Variants in PTPRF observed in about 807,000 individuals in gnomAD.
PTPRF encodes receptor-type tyrosine-protein phosphatase F.
In PTPRF, 59 loss-of-function variants were observed where a neutral mutation model predicts 201.8. The observed-to-expected ratio is 0.29, with a 90% confidence interval of 0.24 to 0.36. The LOEUF (loss-of-function observed/expected upper bound fraction) is 0.36, where lower values mean the gene tolerates loss of function less well. Ranked by LOEUF, PTPRF falls within the 10% of genes least tolerant of loss-of-function variation. The pLI is 1.00. For synonymous variants in PTPRF, 1,088 were observed against 1,089.7 expected (o/e 1.00, Z 0.03); for missense variants, 2,132 against 2,690.5 (o/e 0.79, Z 4.59).
chr1:43,597,953 C>T lies in PTPRF; in HGVS notation c.2019C>T (p.Gly673=), dbSNP rs778217464. Residue 673 remains glycine (G), a synonymous_variant, in exon 12 of 34, where the codon GGC becomes GGT. Transcript: ENST00000359947. ...AGCACTCCAGCTGGGACCTGGTGGG[C>T]CTGGAGAAGTGGACGGAGTACCGGG... is the stretch of plus-strand genomic sequence containing the variant. ...SREHSSWDLV[G]LEKWTEYRVW... is the part of the protein sequence containing the mutation. The T allele has an allele frequency of 1.9e-6, 3 of 1,573,328 alleles. No individual in the cohort carries two copies. Among genetic ancestry groups the T allele is most frequent in the Non-Finnish European group, 2.6e-6 (3 of 1,158,628 alleles).
At chr1:43,610,203 CTG>C (rs773522428) in intron 22 of PTPRF, among the ~76,000 whole-genome samples, 2 of 152,188 alleles carry the variant, frequency 1.3e-5, no homozygotes, top group Non-Finnish European at 2.9e-5. Context: ...GTGCCAGGAA[CTG>C]TGTCTTGTCA....
intron 3 of PTPRF, among the ~76,000 whole-genome samples, chr1:43,548,509 G>A (rs933101222): frequency 6.6e-6 from 1 of 152,088 alleles, no homozygotes; most frequent in East Asian, 1.9e-4. Context: ...GGGACTTCCC[G>A]CAGATTCCGT....
Position 43,613,706 on chromosome 1 carries a change from G to A in PTPRF, c.4062G>A (p.Gln1354=). 1.9e-6 allele frequency: 3 copies of A among 1,613,844 alleles called. No individual in the cohort carries two copies. Among genetic ancestry groups the A allele is most frequent in the East Asian group, 2.2e-5 (1 of 44,878 alleles). Reference sequence around the variant, plus strand: ...CCAACGATGGCCTCAAGTTCTCCCAGGAGTATGAGGTGAGATGTTCCCGCC... The same window carrying A: ...CCAACGATGGCCTCAAGTTCTCCCAAGAGTATGAGGTGAGATGTTCCCGCC... ...LKANDGLKFS[Q]EYESIDPGQQ... The change falls in exon 23 of 34, where the codon CAG becomes CAA. Residue 1354 remains glutamine, a synonymous_variant. Transcript: ENST00000359947.
At chr1:43,548,265 C>T (rs1381617719) in intron 3 of PTPRF, among the ~76,000 whole-genome samples, 1 of 151,912 alleles carries the variant, frequency 6.6e-6, no homozygotes, top group Non-Finnish European at 1.5e-5. Flanking sequence ...GGAGTGAGAC[C>T]CTGGTTATGG....
Position 43,542,846 on chromosome 1 carries a change from T to G in PTPRF, c.-45-2185T>G, listed in dbSNP as rs906472368. ...CGGCTACAGGGGATTAAGCCTCTGC[T>G]CATTGTACTGGGGAGCTATATCCCA... On this transcript the variant is annotated intron_variant, in intron 2 of 33. Transcript: ENST00000359947. This position sits in a 1 kb window ranked among gnomAD's most constrained non-coding sequence, Gnocchi z 5.2. Among the ~76,000 whole-genome samples, 2 of 152,152 alleles carry G rather than the reference T, an allele frequency of 1.3e-5. No homozygotes were observed. Among genetic ancestry groups the G allele is most frequent in the Non-Finnish European group, 2.9e-5 (2 of 68,016 alleles).
chr1:43,546,492 A>G lies in PTPRF; in HGVS notation c.91+1326A>G, dbSNP rs114134868. On this transcript the variant is annotated intron_variant, in intron 3 of 33. Coordinates refer to ENST00000359947, the MANE Select transcript of PTPRF (RefSeq NM_002840.5). The surrounding 1 kb of genome is among the most constrained non-coding windows in gnomAD (Gnocchi z 4.2). ...GAAAGCCTTATCAGGTGTGACCCAC[A>G]TGGTTGGCAGGAAGGTGAAGGCTTG... Among the ~76,000 whole-genome samples the G allele has an allele frequency of 7.5e-3, 1,142 of 152,230 alleles. 15 individuals carry two copies. Among genetic ancestry groups the G allele is most frequent in the African/African-American group, 0.026 (1,069 of 41,508 alleles).
chr1:43,524,227 C>T (rs12126770), upstream of PTPRF, among the ~76,000 whole-genome samples: 53,308 of 151,848 alleles, frequency 0.35, 9,576 homozygotes, highest in East Asian at 0.5. Flanking sequence ...GGGAGGATGG[C>T]GGTGGTAAGG....
At chr1:43,547,566 G>A (rs1250824990) in intron 3 of PTPRF, among the ~76,000 whole-genome samples, 3 of 152,250 alleles carry the variant, frequency 2.0e-5, no homozygotes, top group Non-Finnish European at 4.4e-5. Context: ...ACTAGCCAGG[G>A]GCAAGTGGCC....
In PTPRF at chr1:43,604,105, G is replaced by C. The variant is rs150026558; in HGVS notation, c.2953G>C (p.Asp985His). Reference protein sequence around the residue: ...LTGLKPDTTYDIKVRAWTSKG... With the variant: ...LTGLKPDTTYHIKVRAWTSKG... ...TGGCCTCAAGCCAGACACCACTTAC[G>C]ACATCAAGGTCCGCGCATGGACCAG... The change falls in exon 16 of 34, where the codon GAC becomes CAC. Residue 985 changes from aspartate (D) to histidine (H), a missense_variant. Physicochemically the swap from Asp to His is moderately conservative, Grantham distance 81. Coordinates refer to ENST00000359947, the MANE Select transcript of PTPRF (RefSeq NM_002840.5). 9.5e-5 allele frequency: 153 copies of C among 1,614,068 alleles called. No homozygotes were observed. The highest frequency in any genetic ancestry group is 3.3e-5 in the Admixed American group (2 of 60,014).
intron 2 of PTPRF, among the ~76,000 whole-genome samples, chr1:43,543,361 T>C (rs1298662937): frequency 2.0e-5 from 3 of 152,230 alleles, no homozygotes; most frequent in African/African-American, 7.2e-5. Context: ...AGCTCTGGGA[T>C]CGTGGAGCAG....
chr1:43,554,073 A>C lies in PTPRF; in HGVS notation c.379+132A>C. 1 of 1,262,324 alleles carries C rather than the reference A, an allele frequency of 7.9e-7. No homozygotes were observed. The highest frequency in any genetic ancestry group is 1.1e-6 in the Non-Finnish European group (1 of 919,374). 78.2% of individuals were successfully genotyped at this position (1,262,324 alleles called of 1,614,324 possible). On this transcript the variant is annotated intron_variant, in intron 5 of 33. Transcript: ENST00000359947. This position sits in a 1 kb window ranked among gnomAD's most constrained non-coding sequence, Gnocchi z 4.1. ...GACTGGCCACCTCGGGGTCAGTGAA[A>C]GTCAGTGGTGGACAGGGATAGTCAT...
chr1:43,598,241 T>C, intron 12 of PTPRF, 188 bp downstream of exon 12: 1 of 589,336 alleles, frequency 1.7e-6, no homozygotes. Context: ...CCTTTGGGGC[T>C]GTCTCCAAAG....
chr1:43,612,252 G>A (rs1570650769), intron 22 of PTPRF, among the ~76,000 whole-genome samples: 1 of 152,146 alleles, frequency 6.6e-6, no homozygotes, highest in Non-Finnish European at 1.5e-5. Flanking sequence ...CCTGTGGGCA[G>A]AAGTGTTGCA....
chr1:43,591,076 A>G lies in PTPRF; in HGVS notation c.1054A>G (p.Ile352Val). 1.9e-6 allele frequency: 3 copies of G among 1,613,950 alleles called. No individual in the cohort carries two copies. The highest frequency in any genetic ancestry group is 1.1e-5 in the South Asian group (1 of 91,088). The change falls in exon 9 of 34, where the codon ATC (isoleucine) becomes GTC (valine). Residue 352 changes from isoleucine to valine, a missense_variant. Ile to Val is a conservative substitution (Grantham distance 29). Coordinates refer to ENST00000359947, the MANE Select transcript of PTPRF (RefSeq NM_002840.5). Reference sequence around the variant, plus strand: ...CTCGGAGCCTGTAACCTACTATGGCATCCAGTACCGCGCAGCGGGCACGGA... The same window carrying G: ...CTCGGAGCCTGTAACCTACTATGGCGTCCAGTACCGCGCAGCGGGCACGGA... The part of the protein sequence containing the change: ...GNSEPVTYYG[I>V]QYRAAGTEGP...
chr1:43,525,708 A>G (rs1643080621), upstream of PTPRF, among the ~76,000 whole-genome samples: 1 of 149,162 alleles, frequency 6.7e-6, no homozygotes, highest in African/African-American at 2.5e-5. Context: ...GGAAGGGTGA[A>G]GCAGAAGAAT....
rs1223464697 is a variant in PTPRF, at chr1:43,597,985, T to G, written c.2051T>G (p.Val684Gly). The G allele has an allele frequency of 1.3e-6, 2 of 1,545,496 alleles. No individual in the cohort carries two copies. Among genetic ancestry groups the G allele is most frequent in the African/African-American group, 2.7e-5 (2 of 73,248 alleles). Residue 684 changes from valine to glycine, a missense_variant, in exon 12 of 34, where the codon GTG becomes GGG. Physicochemically the swap from Val to Gly is moderately radical, Grantham distance 109. This residue lies in a region of PTPRF where 125 missense variants were observed against 211.9 expected (regional missense o/e 0.59). Coordinates refer to ENST00000359947, the MANE Select transcript of PTPRF (RefSeq NM_002840.5). ...AAGTGGACGGAGTACCGGGTGTGGG[T>G]GCGGGCACACACAGACGTGGGCCCC... is the stretch of plus-strand genomic sequence containing the variant. Reference protein sequence around the residue: ...LEKWTEYRVWVRAHTDVGPGP... With the variant: ...LEKWTEYRVWGRAHTDVGPGP...
At chr1:43,590,666 C>T (rs538056016) in intron 8 of PTPRF, among the ~76,000 whole-genome samples, 11 of 152,382 alleles carry the variant, frequency 7.2e-5, no homozygotes, top group Non-Finnish European at 1.3e-4. Context: ...GGTCACATCA[C>T]CTCCAGGTCT....
chr1:43,548,926 T>C lies in PTPRF; in HGVS notation c.91+3760T>C, dbSNP rs528027890. ...GATGGTGGCCCAGTTTGACTCTCCC[T>C]GGGGCTGGACCCCTACAGCCTCCCT... On this transcript the variant is annotated intron_variant, in intron 3 of 33. Transcript: ENST00000359947. 3.3e-5 allele frequency among the ~76,000 whole-genome samples: 5 copies of C among 152,328 alleles called. No homozygotes were observed. The South Asian group carries it at 1.0e-3, about 32-fold the overall frequency.
chr1:43,536,133 A>G (rs538258860), intron 1 of PTPRF, among the ~76,000 whole-genome samples: 5 of 152,226 alleles, frequency 3.3e-5, no homozygotes, highest in Admixed American at 6.5e-5. Flanking sequence ...TTTCTAGTCA[A>G]CCTTCCAGAT....
Sources: gnomAD v4.1 joint callset for allele counts (sites outside exome capture counted in the v4.1 genomes callset) on GRCh38, gnomAD v4.1.1 for gene constraint, gnomAD v4.1.1 regional missense constraint, Gnocchi (gnomAD v3.1) non-coding constraint, MANE v1.5 for transcripts, NCBI Gene and HGNC (gene_info 2026-07-23, HGNC 2026-07-21) for gene names.